OR51B5: variants seen among roughly 807,000 people sequenced by gnomAD.
The protein encoded by OR51B5 is olfactory receptor 51B5.
For synonymous variants in OR51B5, 186 were observed against 144.8 expected, an observed-to-expected ratio of 1.28 and a Z score of -2.04; for missense variants, 456 against 374.6, an observed-to-expected ratio of 1.22 and a Z score of -1.79.
At chr11:5,390,483 C>T (rs1043359259) in intron 1 of OR51B5, 4 of 1,016,664 alleles carry the variant, frequency 3.9e-6, no homozygotes, top group Non-Finnish European at 4.2e-6. Flanking sequence ...ATTTTTTGCC[C>T]CTGTCCTAAA....
chr11:5,483,189 G>C (rs948227371), intron 1 of OR51B5, among the ~76,000 whole-genome samples: 21 of 150,100 alleles, frequency 1.4e-4, no homozygotes, highest in African/African-American at 5.2e-4. Flanking sequence ...AAAAAATGAT[G>C]AGTTCATGTC....
At chr11:5,454,288 A>G in intron 1 of OR51B5, 1 of 1,614,212 alleles carries the variant, frequency 6.2e-7, no homozygotes, top group Non-Finnish European at 8.5e-7. Flanking sequence ...TTTGGGAAGC[A>G]TGTCCCATGC....
rs181545907 is a variant in OR51B5 at position 5,495,493 on chromosome 11, T to A, written n.84+10076A>T. ...GAGGAGAAGTAAGTAAATGTAGAGTTTTTGTATGCAATTTAACTTAGGTTA... is the reference window on the plus strand; with the variant it reads ...GAGGAGAAGTAAGTAAATGTAGAGTATTTGTATGCAATTTAACTTAGGTTA... On this transcript the variant is annotated intron_variant and non_coding_transcript_variant, in intron 1 of 4. Transcript: ENST00000415970. Among the ~76,000 whole-genome samples, 735 of 152,210 alleles carry A rather than the reference T, an allele frequency of 4.8e-3. 5 individuals are homozygous for A. The Middle Eastern group carries it at 0.059, about 12-fold the overall frequency.
At chr11:5,358,715 C>T (rs1822572142) in intron 1 of OR51B5, among the ~76,000 whole-genome samples, 2 of 151,948 alleles carry the variant, frequency 1.3e-5, no homozygotes, top group African/African-American at 2.4e-5. Context: ...GACCAATATC[C>T]CTGATGGACA....
chr11:5,483,451 T>C (rs1030841942), intron 1 of OR51B5, among the ~76,000 whole-genome samples: 17 of 145,728 alleles, frequency 1.2e-4, no homozygotes, highest in Admixed American at 8.3e-4. Context: ...GGCACATGTA[T>C]ACATGTGTAA....
At position 5,424,367 on chromosome 11, in the gene OR51B5, AC is replaced by A. The variant is rs1196491281; in HGVS notation, n.85-77458del. On this transcript the variant is annotated intron_variant and non_coding_transcript_variant, in intron 1 of 4. Transcript: ENST00000415970. ...AAACAAACAAACAAAAAACAAACAAACAAACAAAAAAACACCTTTCAGCAAG... is the reference window on the plus strand; with the variant it reads ...AAACAAACAAACAAAAAACAAACAAAAAACAAAAAAACACCTTTCAGCAAG... 2.7e-5 allele frequency among the ~76,000 whole-genome samples: 4 copies of A among 150,762 alleles called. No homozygotes were observed. In the South Asian group the frequency reaches 6.5e-4, roughly 24 times the overall value.
chr11:5,425,698 T>C (rs566954684), intron 1 of OR51B5, among the ~76,000 whole-genome samples: 76 of 152,322 alleles, frequency 5.0e-4, no homozygotes, highest in African/African-American at 1.8e-3. Flanking sequence ...AATGTGTTTA[T>C]TATAAAATAT....
chr11:5,420,978 C>T (rs1305556017), intron 1 of OR51B5, among the ~76,000 whole-genome samples: 2 of 152,256 alleles, frequency 1.3e-5, no homozygotes, highest in African/African-American at 2.4e-5. Flanking sequence ...AAACTCTATC[C>T]CAGCTTCGGA....
At chr11:5,468,805 G>A (rs1851178284) in intron 1 of OR51B5, 3 of 454,712 alleles carry the variant, frequency 6.6e-6, no homozygotes, top group Non-Finnish European at 1.3e-5. Context: ...AGGCAGAGAT[G>A]ACAATGAACA....
chr11:5,430,985 C>G (rs745489260), intron 1 of OR51B5: 1 of 456,968 alleles, frequency 2.2e-6, no homozygotes. Flanking sequence ...CCGAAATTTG[C>G]GAGAACAATG....
intron 1 of OR51B5, among the ~76,000 whole-genome samples, chr11:5,501,675 C>T (rs1235701093): frequency 6.7e-6 from 1 of 148,226 alleles, no homozygotes; most frequent in Non-Finnish European, 1.5e-5. Context: ...ATTCAGATCA[C>T]GTTCTCACTA....
chr11:5,418,522 A>G (rs1387453934), intron 1 of OR51B5, among the ~76,000 whole-genome samples: 1 of 152,124 alleles, frequency 6.6e-6, no homozygotes, highest in Non-Finnish European at 1.5e-5. Flanking sequence ...AATGTGGCAC[A>G]TATACACCAT....
At chr11:5,343,765 A>G, upstream of OR51B5, 1 of 394,862 alleles carries the variant, frequency 2.5e-6, no homozygotes, top group Non-Finnish European at 4.5e-6. Flanking sequence ...TTGGAGTTTC[A>G]ACTGTTTATA....
chr11:5,447,135 A>G (rs1262019874), intron 1 of OR51B5, among the ~76,000 whole-genome samples: 2 of 152,218 alleles, frequency 1.3e-5, no homozygotes, highest in African/African-American at 4.8e-5. Context: ...TAATACAATA[A>G]GAATGAGGCT....
At chr11:5,503,610 T>C (rs187669748) in intron 1 of OR51B5, among the ~76,000 whole-genome samples, 46 of 152,338 alleles carry the variant, frequency 3.0e-4, no homozygotes, top group African/African-American at 1.1e-3. Context: ...CAATGGTATC[T>C]TGCAATGTCA....
At chr11:5,479,536 TA>T (rs2133807100) in intron 1 of OR51B5, among the ~76,000 whole-genome samples, 1 of 150,074 alleles carries the variant, frequency 6.7e-6, no homozygotes, top group South Asian at 2.1e-4. Flanking sequence ...GTAAATGGAC[TA>T]AATGCTCCAA....
chr11:5,462,811 A>G (rs1851078503), intron 1 of OR51B5, among the ~76,000 whole-genome samples: 1 of 152,218 alleles, frequency 6.6e-6, no homozygotes, highest in Non-Finnish European at 1.5e-5. Context: ...GAACACAGGC[A>G]ACCAGATGCC....
At chr11:5,376,706 C>A (rs1849534012) in intron 1 of OR51B5, among the ~76,000 whole-genome samples, 1 of 151,996 alleles carries the variant, frequency 6.6e-6, no homozygotes, top group South Asian at 2.1e-4. Context: ...ACTAGAAAAT[C>A]TAGAAGAAAT....
intron 1 of OR51B5, among the ~76,000 whole-genome samples, chr11:5,409,680 T>C (rs79412790): frequency 0.024 from 3,724 of 152,230 alleles, 131 homozygotes; most frequent in African/African-American, 0.084. Flanking sequence ...GTAGGACATA[T>C]TTTAAAAATG....
Sources: gnomAD v4.1 joint callset for allele counts (sites outside exome capture counted in the v4.1 genomes callset) on GRCh38, gnomAD v4.1.1 for gene constraint, MANE v1.5 for transcripts, NCBI Gene and HGNC (gene_info 2026-07-23, HGNC 2026-07-21) for gene names.